The following PTK2 variants were observed in gnomAD, a reference collection of about 807,000 sequenced individuals.
PTK2 encodes focal adhesion kinase 1.
In PTK2, 45 loss-of-function variants were observed where a neutral mutation model predicts 150.1. The ratio of observed to expected loss-of-function variants is 0.30; its 90% CI spans 0.24 to 0.38. The LOEUF (loss-of-function observed/expected upper bound fraction) is 0.38, where lower values mean the gene tolerates loss of function less well. Ranked by LOEUF, PTK2 falls within the 10% of genes least tolerant of loss-of-function variation. The pLI, the probability that PTK2 is intolerant of heterozygous loss-of-function variation, is 1.00. For missense variants in PTK2, 919 were observed against 1,307.3 expected (o/e 0.70, Z 4.58); for synonymous variants, 432 against 449.2 (o/e 0.96, Z 0.48).
chr8:140,837,438 G>A (rs1361331273), intron 7 of PTK2, among the ~76,000 whole-genome samples: 1 of 152,134 alleles, frequency 6.6e-6, no homozygotes, highest in Non-Finnish European at 1.5e-5. Flanking sequence ...ACTCAAAATA[G>A]TTATTTATGG....
chr8:140,990,318 T>G (rs554111293), intron 1 of PTK2, among the ~76,000 whole-genome samples: 1 of 152,010 alleles, frequency 6.6e-6, no homozygotes, highest in Admixed American at 6.6e-5. Flanking sequence ...CACTGTAGAC[T>G]TGACCTCCCA....
chr8:140,963,455 T>C (rs936005205), intron 1 of PTK2, among the ~76,000 whole-genome samples: 8 of 152,154 alleles, frequency 5.3e-5, no homozygotes, highest in African/African-American at 1.4e-4. Context: ...ACCTCACTTA[T>C]CTCTCACCCC....
At chr8:140,819,095 T>A (rs1317972059) in intron 8 of PTK2, 75 bp from the exon 9 acceptor site, 1 of 1,472,322 alleles carries the variant, frequency 6.8e-7, no homozygotes, top group Admixed American at 2.2e-5. Context: ...TGGTAAGATT[T>A]CTTTCCTACC....
At chr8:140,699,409 GTC>G (rs1281352806) in intron 26 of PTK2, among the ~76,000 whole-genome samples, 1 of 152,186 alleles carries the variant, frequency 6.6e-6, no homozygotes. Context: ...GGGACCAGGA[GTC>G]TAAAAGGACC....
chr8:140,665,145 T>C (rs920682849), intron 30 of PTK2, 148 bp from the exon 35 acceptor site: 2 of 690,572 alleles, frequency 2.9e-6, no homozygotes, highest in African/African-American at 1.8e-5. Context: ...TCTTGTAAGT[T>C]ATGAGGCTCC....
intron 23 of PTK2, among the ~76,000 whole-genome samples, chr8:140,711,051 C>T (rs2100036573): frequency 6.6e-6 from 1 of 152,188 alleles, no homozygotes; most frequent in Non-Finnish European, 1.5e-5. Flanking sequence ...GATTCTCATG[C>T]CTCAGACTCC....
intron 1 of PTK2, among the ~76,000 whole-genome samples, chr8:140,935,246 G>C (rs1057342070): frequency 6.6e-6 from 1 of 152,140 alleles, no homozygotes; most frequent in African/African-American, 2.4e-5. Flanking sequence ...CAGGGCCCCA[G>C]AGCATATTAT....
intron 14 of PTK2, among the ~76,000 whole-genome samples, chr8:140,765,614 T>C: frequency 6.6e-6 from 1 of 152,234 alleles, no homozygotes; most frequent in East Asian, 1.9e-4. Context: ...TTTATAAGAA[T>C]ACTTAAAAGA....
At chr8:140,943,429 C>T (rs999848699) in intron 1 of PTK2, among the ~76,000 whole-genome samples, 4 of 152,332 alleles carry the variant, frequency 2.6e-5, no homozygotes, top group Admixed American at 2.6e-4. Flanking sequence ...CTTTTTATTG[C>T]TGTATAGGAT....
At chr8:140,899,606 C>T (rs796952841) in intron 2 of PTK2, among the ~76,000 whole-genome samples, 1 of 152,038 alleles carries the variant, frequency 6.6e-6, no homozygotes, top group Non-Finnish European at 1.5e-5. Context: ...TTTACAAGGG[C>T]AGTATTACCT....
At position 140,760,096 on chromosome 8, in the gene PTK2, C is replaced by T. The variant is rs556052602; in HGVS notation, c.1332+1069G>A. On this transcript the variant is annotated intron_variant, in intron 16 of 31. Coordinates refer to ENST00000522684, the Ensembl canonical transcript of PTK2. ...AATTAGCTGGGCGTGGTGGAGCGCGCCTGTAGTCCCAGCTGCTCAGGAGGC... is the reference window on the plus strand; with the variant it reads ...AATTAGCTGGGCGTGGTGGAGCGCGTCTGTAGTCCCAGCTGCTCAGGAGGC... 8.9e-4 allele frequency among the ~76,000 whole-genome samples: 135 copies of T among 152,104 alleles called. 1 individual carries two copies. The highest frequency in any genetic ancestry group is 2.7e-3 in the African/African-American group (114 of 41,480).
Position 140,854,877 on chromosome 8 carries a change from A to AATCT in PTK2, c.451-8203_451-8200dup, listed in dbSNP as rs568164410. ...TAATAAAATTAGGGGAGTTTATTGT[A>AATCT]ATCTATTTCCCTCCCTCTCTTCTTT... On this transcript the variant is annotated intron_variant, in intron 5 of 31. Transcript: ENST00000522684. Among the ~76,000 whole-genome samples the AATCT allele has an allele frequency of 5.8e-3, 883 of 152,304 alleles. 5 individuals are homozygous for AATCT. The highest frequency in any genetic ancestry group is 0.02 in the African/African-American group (836 of 41,568).
chr8:140,855,901 C>G (rs573049956), intron 5 of PTK2, among the ~76,000 whole-genome samples: 1 of 151,978 alleles, frequency 6.6e-6, no homozygotes. Flanking sequence ...GAACTGCACA[C>G]TTAAAAATGG....
exon 15 of PTK2, chr8:140,764,276 C>T: frequency 6.2e-7 from 1 of 1,610,138 alleles, no homozygotes; most frequent in Non-Finnish European, 8.5e-7. Context: ...ATAATCTCAG[C>T]ATAATCATCT....
chr8:140,909,908 A>G (rs779571364), intron 2 of PTK2, among the ~76,000 whole-genome samples: 1 of 152,208 alleles, frequency 6.6e-6, no homozygotes, highest in Non-Finnish European at 1.5e-5. Flanking sequence ...CTATGGTAAC[A>G]TCTGGTATAT....
At chr8:140,982,773 G>A (rs187182513) in intron 1 of PTK2, among the ~76,000 whole-genome samples, 1 of 152,184 alleles carries the variant, frequency 6.6e-6, no homozygotes, top group African/African-American at 2.4e-5. Context: ...TACGTTTTCA[G>A]AAGCAAGTTA....
rs183519162 is a variant in PTK2 at position 140,824,031 on chromosome 8, C to T, written c.649-5011G>A. Among the ~76,000 whole-genome samples the T allele has an allele frequency of 1.3e-3, 199 of 152,304 alleles. 3 individuals are homozygous for T. The highest frequency in any genetic ancestry group is 6.8e-3 in the Middle Eastern group (2 of 294). On this transcript the variant is annotated intron_variant, in intron 8 of 31. Coordinates refer to ENST00000522684, the Ensembl canonical transcript of PTK2. ...AAGAATCTTAAAAAGAAGTTGTGTGCTGTTCTTCTACAACAGGGATTGAAG... is the reference window on the plus strand; with the variant it reads ...AAGAATCTTAAAAAGAAGTTGTGTGTTGTTCTTCTACAACAGGGATTGAAG...
At chr8:140,724,548 T>C (rs567823005) in intron 22 of PTK2, among the ~76,000 whole-genome samples, 2 of 152,362 alleles carry the variant, frequency 1.3e-5, no homozygotes, top group South Asian at 4.1e-4. Context: ...ATCTGTTTTA[T>C]GATCCTGATC....
chr8:140,717,635 G>A (rs751872119), exon 23 of PTK2: 9 of 1,614,034 alleles, frequency 5.6e-6, no homozygotes, highest in Non-Finnish European at 7.6e-6. Context: ...GGAGTCCCAG[G>A]ACACTGTGGC....
Sources: allele counts gnomAD v4.1 joint callset (sites outside exome capture counted in the v4.1 genomes callset), GRCh38; gene constraint gnomAD v4.1.1; transcripts MANE v1.5; gene names NCBI Gene and HGNC (gene_info 2026-07-23, HGNC 2026-07-21).